STARD13: variants seen among roughly 807,000 people sequenced by gnomAD.
STARD13 encodes the protein StAR related lipid transfer domain containing 13.
STARD13 carries 62 observed loss-of-function variants against 106.4 expected under a neutral mutation model. The ratio of observed to expected loss-of-function variants is 0.58; its 90% CI spans 0.48 to 0.72. The LOEUF (loss-of-function observed/expected upper bound fraction) is 0.72, where lower values mean the gene tolerates loss of function less well. Ranked by LOEUF, STARD13 falls within the 30% of genes least tolerant of loss-of-function variation. The pLI, the probability that STARD13 is intolerant of heterozygous loss-of-function variation, is 0.00. For missense variants in STARD13, 1,387 were observed against 1,424.0 expected, an observed-to-expected ratio of 0.97 and a Z score of 0.42; for synonymous variants, 565 against 553.0, an observed-to-expected ratio of 1.02 and a Z score of -0.31.
chr13:33,578,192 A>C, the STARD13 span, among the ~76,000 whole-genome samples: 1 of 152,188 alleles, frequency 6.6e-6, no homozygotes, highest in Admixed American at 6.6e-5. Context: ...TTCAATAGCC[A>C]GAGCAATCCT....
chr13:33,650,163 AATTTTT>A, the STARD13 span, among the ~76,000 whole-genome samples: 1 of 84,450 alleles, frequency 1.2e-5, no homozygotes, highest in African/African-American at 4.4e-5. Context: ...ACGTGACTCC[AATTTTT>A]TTTTTTTTTT....
the STARD13 span, among the ~76,000 whole-genome samples, chr13:33,405,736 G>T: frequency 6.6e-6 from 1 of 152,212 alleles, no homozygotes; most frequent in East Asian, 1.9e-4. Flanking sequence ...ACCCAGCAAG[G>T]TTGGTAAACA....
At chr13:33,274,791 G>A (rs9536957) in intron 1 of STARD13, among the ~76,000 whole-genome samples, 1 of 151,932 alleles carries the variant, frequency 6.6e-6, no homozygotes, top group Non-Finnish European at 1.5e-5. Flanking sequence ...GCTGTTAAAC[G>A]GATATTTGGG....
intron 1 of STARD13, among the ~76,000 whole-genome samples, chr13:33,206,750 T>C (rs1037232882): frequency 5.3e-5 from 8 of 152,360 alleles, no homozygotes; most frequent in African/African-American, 1.9e-4. Context: ...AAACAATGCA[T>C]TGTAGACTTT....
At chr13:33,469,529 A>G in the STARD13 span, among the ~76,000 whole-genome samples, 25 of 152,192 alleles carry the variant, frequency 1.6e-4, no homozygotes, top group African/African-American at 5.8e-4. Flanking sequence ...ATTTCACCGA[A>G]CAAATGTTTA....
chr13:33,425,823 T>C, the STARD13 span, among the ~76,000 whole-genome samples: 1 of 152,234 alleles, frequency 6.6e-6, no homozygotes, highest in Non-Finnish European at 1.5e-5. Flanking sequence ...TGAAGATCTG[T>C]TCACCATCAC....
intron 1 of STARD13, among the ~76,000 whole-genome samples, chr13:33,216,230 A>G (rs1888033133): frequency 6.6e-6 from 1 of 152,236 alleles, no homozygotes; most frequent in East Asian, 1.9e-4. Context: ...ACTGAGAGGA[A>G]AAGAAGTCAT....
In STARD13 at chr13:33,182,185, C is replaced by T. The variant is rs117294508; in HGVS notation, c.170-14563G>A. Among the ~76,000 whole-genome samples the T allele has an allele frequency of 3.1e-3, 467 of 152,304 alleles. 2 individuals carry two copies. The highest frequency in any genetic ancestry group is 5.1e-3 in the Non-Finnish European group (347 of 68,032). On this transcript the variant is annotated intron_variant, in intron 1 of 13. Transcript: ENST00000336934. ...TTGCACTTTATGTATGCAAGGAGAT[C>T]TGACATTTTTCTGTTCTATGCTTTC...
chr13:33,135,894 G>A (rs1003704126), intron 4 of STARD13, among the ~76,000 whole-genome samples: 10 of 152,232 alleles, frequency 6.6e-5, no homozygotes, highest in South Asian at 2.1e-4. Flanking sequence ...AGGCCGAGGC[G>A]AACAGATCAC....
intron 1 of STARD13, among the ~76,000 whole-genome samples, chr13:33,309,310 C>T (rs1459886923): frequency 2.6e-5 from 4 of 152,096 alleles, no homozygotes; most frequent in South Asian, 4.1e-4. Flanking sequence ...GAGTTGAGGA[C>T]GCAAGCAATA....
the STARD13 span, among the ~76,000 whole-genome samples, chr13:33,546,627 TTTA>T: frequency 6.6e-6 from 1 of 151,530 alleles, no homozygotes; most frequent in Non-Finnish European, 1.5e-5. Context: ...GCTAAATTTA[TTTA>T]TTATTGTGTT....
At chr13:33,414,086 G>A in the STARD13 span, among the ~76,000 whole-genome samples, 2 of 149,228 alleles carry the variant, frequency 1.3e-5, no homozygotes, top group Admixed American at 1.3e-4. Flanking sequence ...ATGCTCAATA[G>A]CATTGTCCAT....
intron 1 of STARD13, among the ~76,000 whole-genome samples, chr13:33,297,416 A>G (rs912865763): frequency 5.3e-5 from 8 of 152,036 alleles, no homozygotes; most frequent in African/African-American, 1.9e-4. Flanking sequence ...TGACCTTAAA[A>G]CCCTCTCTTT....
rs376304861 is a variant in STARD13, at chr13:33,109,832, C to A, written c.3047+41G>T. On this transcript the variant is annotated intron_variant, in intron 12 of 13. Coordinates refer to ENST00000336934, the MANE Select transcript of STARD13 (RefSeq NM_178006.4). ...GCTCACATCTACAGTTCGCGTCCTGCCTTTGGAACAGAACATCATAAACCC... is the reference window on the plus strand; with the variant it reads ...GCTCACATCTACAGTTCGCGTCCTGACTTTGGAACAGAACATCATAAACCC... 25 of 1,599,590 alleles carry A rather than the reference C, an allele frequency of 1.6e-5. No homozygotes were observed. In the African/African-American group the frequency reaches 2.7e-4, roughly 17 times the overall value.
intron 3 of STARD13, among the ~76,000 whole-genome samples, chr13:33,160,491 A>C (rs2138332181): frequency 6.6e-6 from 1 of 152,322 alleles, no homozygotes; most frequent in East Asian, 1.9e-4. Context: ...CTGTTAAGAG[A>C]CTGAAAATGC....
the STARD13 span, among the ~76,000 whole-genome samples, chr13:33,374,436 G>A: frequency 6.6e-6 from 1 of 152,130 alleles, no homozygotes; most frequent in South Asian, 2.1e-4. Flanking sequence ...TAAATTTTAT[G>A]TTACGTATAT....
chr13:33,459,663 A>G, the STARD13 span, among the ~76,000 whole-genome samples: 1 of 152,172 alleles, frequency 6.6e-6, no homozygotes, highest in African/African-American at 2.4e-5. Flanking sequence ...AGAACTGCCA[A>G]GCTGTGCAGA....
chr13:33,491,414 C>G, the STARD13 span, among the ~76,000 whole-genome samples: 3 of 152,148 alleles, frequency 2.0e-5, no homozygotes, highest in African/African-American at 7.2e-5. Flanking sequence ...GTGTTCTAAT[C>G]TGGAAAATTT....
chr13:33,481,932 G>A, the STARD13 span, among the ~76,000 whole-genome samples: 7 of 149,278 alleles, frequency 4.7e-5, no homozygotes, highest in East Asian at 7.9e-4. Flanking sequence ...GCAGTGAGCC[G>A]AGATCGCGCC....
Sources: allele counts gnomAD v4.1 joint callset (sites outside exome capture counted in the v4.1 genomes callset), GRCh38; gene constraint gnomAD v4.1.1; transcripts MANE v1.5; gene names NCBI Gene and HGNC (gene_info 2026-07-23, HGNC 2026-07-21).